LRRC74A: variants seen among roughly 807,000 people sequenced by gnomAD.
LRRC74A encodes the protein leucine rich repeat containing 74A.
LRRC74A carries 44 observed loss-of-function variants against 57.9 expected under a neutral mutation model. The observed-to-expected ratio is 0.76, with a 90% CI of 0.60 to 0.98. LRRC74A has a LOEUF of 0.98. Among genes scored for constraint, LRRC74A ranks in the 50% least tolerant of loss-of-function variants. LRRC74A has a pLI of 0.00. For missense variants in LRRC74A, 572 were observed against 574.0 expected, an observed-to-expected ratio of 1.00 and a Z score of 0.04; for synonymous variants, 211 against 219.4, an observed-to-expected ratio of 0.96 and a Z score of 0.34.
chr14:76,852,283 C>T (rs1343320116), intron 7 of LRRC74A, 82 bp from the exon 8 acceptor site: 2 of 1,039,004 alleles, frequency 1.9e-6, no homozygotes, highest in Admixed American at 2.3e-5. Flanking sequence ...TCTTTATCCC[C>T]AGTGTCATGG....
chr14:76,851,248 T>C (rs1897463448), intron 7 of LRRC74A, among the ~76,000 whole-genome samples: 1 of 152,248 alleles, frequency 6.6e-6, no homozygotes, highest in Non-Finnish European at 1.5e-5. Flanking sequence ...TGTGACGTAA[T>C]ATGCCAGGTC....
intron 11 of LRRC74A, 115 bp downstream of exon 11, chr14:76,860,954 G>T (rs1324037410): frequency 6.1e-6 from 6 of 987,344 alleles, no homozygotes; most frequent in Non-Finnish European, 5.8e-6. Context: ...AACCCTCTCT[G>T]ATAAGGAATG....
Position 76,828,343 on chromosome 14 carries a change from T to C in LRRC74A, c.90T>C (p.Cys30=). The C allele has an allele frequency of 6.2e-7, 1 of 1,613,448 alleles. No homozygotes were observed. The change falls in exon 2 of 14, where the codon TGT becomes TGC. Residue 30 remains cysteine (C), a synonymous_variant. Transcript: ENST00000689127. The stretch of plus-strand genomic sequence containing the variant: ...AGAGCAGCGATAAAATGCTCTACTG[T>C]GAGGCCGAATCCCCGCCGACTGTTG... ...VRQSSDKMLY[C]EAESPPTVEK...
At chr14:76,848,554 G>A (rs1897251595) in intron 7 of LRRC74A, among the ~76,000 whole-genome samples, 1 of 152,140 alleles carries the variant, frequency 6.6e-6, no homozygotes, top group Admixed American at 6.6e-5. Context: ...GAGCAACAGA[G>A]TGAGACCCTG....
chr14:76,838,266 T>C (rs1566721769), intron 5 of LRRC74A, among the ~76,000 whole-genome samples: 1 of 152,132 alleles, frequency 6.6e-6, no homozygotes, highest in Non-Finnish European at 1.5e-5. Context: ...TGAGATATCT[T>C]GCACCCAATC....
chr14:76,864,881 T>C (rs1898654907), intron 11 of LRRC74A, among the ~76,000 whole-genome samples: 2 of 152,012 alleles, frequency 1.3e-5, no homozygotes, highest in African/African-American at 4.8e-5. Flanking sequence ...AGGAAAAGAA[T>C]ATTATAATGA....
intron 3 of LRRC74A, among the ~76,000 whole-genome samples, chr14:76,835,345 G>C (rs1896247019): frequency 6.6e-6 from 1 of 152,026 alleles, no homozygotes; most frequent in East Asian, 1.9e-4. Context: ...AATTAGCCAG[G>C]TGTGGTGGTG....
chr14:76,834,400 C>G (rs1244920012), intron 3 of LRRC74A, among the ~76,000 whole-genome samples: 1 of 152,174 alleles, frequency 6.6e-6, no homozygotes, highest in Non-Finnish European at 1.5e-5. Flanking sequence ...TTCCCCCATT[C>G]TCTGTATCAT....
intron 7 of LRRC74A, 139 bp from the exon 8 acceptor site, chr14:76,852,226 T>C (rs763886741): frequency 1.7e-6 from 1 of 604,124 alleles, no homozygotes. Context: ...AATGAATAAC[T>C]AAAAAAATTA....
At chr14:76,851,072 A>G (rs530618411) in intron 7 of LRRC74A, among the ~76,000 whole-genome samples, 2 of 152,250 alleles carry the variant, frequency 1.3e-5, no homozygotes, top group Non-Finnish European at 2.9e-5. Context: ...TGGAACATGT[A>G]AGCAAAATCA....
rs1376483070 is a variant in LRRC74A at position 76,857,433 on chromosome 14, C to G, written c.1011C>G (p.Ile337Met). The G allele has an allele frequency of 1.2e-5, 19 of 1,587,942 alleles. No homozygotes were observed. The highest frequency in any genetic ancestry group is 1.6e-5 in the Non-Finnish European group (19 of 1,165,750). Residue 337 changes from isoleucine (I) to methionine (M), a missense_variant, in exon 10 of 14, where the codon ATC becomes ATG. Physicochemically the swap from Ile to Met is conservative, Grantham distance 10 (BLOSUM62 1). Transcript: ENST00000689127. ...MDGAILLILA[I>M]KRNPKSRMEE... ...GGGCTATTTTACTTATCCTGGCTAT[C>G]AAGAGGAACCCCAAATCCAGGATGG... is the stretch of plus-strand genomic sequence containing the variant.
At chr14:76,829,009 A>G in intron 2 of LRRC74A, 1 of 1,289,192 alleles carries the variant, frequency 7.8e-7, no homozygotes, top group Non-Finnish European at 1.0e-6. Context: ...AAATCTAAGC[A>G]TGCCTGGGTA....
At chr14:76,836,870 A>G (rs1028002771) in intron 4 of LRRC74A, among the ~76,000 whole-genome samples, 11 of 148,732 alleles carry the variant, frequency 7.4e-5, no homozygotes, top group African/African-American at 2.2e-4. Context: ...GCCAGGCATG[A>G]TGGCTCACGC....
chr14:76,857,459 A>G lies in LRRC74A; in HGVS notation c.1037A>G (p.Glu346Gly). Residue 346 changes from glutamate (E) to glycine (G), a missense_variant, in exon 10 of 14, where the codon GAA (glutamate) becomes GGA (glycine). Transcript: ENST00000689127. ...AAGAGGAACCCCAAATCCAGGATGG[A>G]AGAGCTTGATATTTCCGTAAGTGAT... ...AIKRNPKSRM[E>G]ELDISNVLVS... 1 of 1,579,080 alleles carries G rather than the reference A, an allele frequency of 6.3e-7. No homozygotes were observed. The highest frequency in any genetic ancestry group is 8.6e-7 in the Non-Finnish European group (1 of 1,160,798).
chr14:76,853,999 C>A (rs1412484513), intron 9 of LRRC74A, among the ~76,000 whole-genome samples: 1 of 152,124 alleles, frequency 6.6e-6, no homozygotes, highest in Non-Finnish European at 1.5e-5. Flanking sequence ...TCAGCTTAGA[C>A]CCCTGCATGG....
At chr14:76,866,668 G>A (rs1388805382) in intron 12 of LRRC74A, among the ~76,000 whole-genome samples, 1 of 151,958 alleles carries the variant, frequency 6.6e-6, no homozygotes, top group African/African-American at 2.4e-5. Flanking sequence ...CCAGGACTCA[G>A]CAGCAGGAAG....
chr14:76,829,212 C>T, intron 2 of LRRC74A: 2 of 1,286,800 alleles, frequency 1.6e-6, no homozygotes, highest in Non-Finnish European at 2.0e-6. Context: ...ACCCTTCCTC[C>T]CCTGCATCCT....
In LRRC74A at chr14:76,870,288, T is replaced by C. The variant is rs1218558072; in HGVS notation, c.*139T>C. ...GGGCTGGGCACAAGCAAATAAAGTC[T>C]GGCTTGGTTCTGGGTGTCTTGGGCT... On this transcript the variant is annotated 3_prime_UTR_variant, in exon 14 of 14. Transcript: ENST00000689127. 4.0e-6 allele frequency: 4 copies of C among 999,758 alleles called. No homozygotes were observed. Among genetic ancestry groups the C allele is most frequent in the East Asian group, 5.3e-5 (2 of 37,986 alleles). The allele number at this position is 999,758 out of a possible 1,614,324, so 61.9% of individuals were successfully genotyped here. A position where few individuals can be genotyped will look rare whatever the true frequency, so the allele number is the denominator to read the frequency against.
At chr14:76,857,286 CAG>C in intron 9 of LRRC74A, 92 bp from the exon 10 acceptor site, 1 of 734,442 alleles carries the variant, frequency 1.4e-6, no homozygotes, top group South Asian at 1.5e-5. Flanking sequence ...GGGTGTGAGA[CAG>C]AGGTTGTGAT....
Sources: allele counts gnomAD v4.1 joint callset (sites outside exome capture counted in the v4.1 genomes callset), GRCh38; gene constraint gnomAD v4.1.1; transcripts MANE v1.5; gene names NCBI Gene and HGNC (gene_info 2026-07-23, HGNC 2026-07-21).